The following COG7 variants were observed in gnomAD, a reference collection of about 807,000 sequenced individuals.
COG7 encodes the protein conserved oligomeric Golgi complex subunit 7.
Under a neutral mutation model 91.5 loss-of-function variants are expected in COG7, and 49 were observed. The ratio of observed to expected loss-of-function variants is 0.54; its 90% CI spans 0.43 to 0.68. COG7 has a LOEUF of 0.68. Ranked by LOEUF, COG7 falls within the 30% of genes least tolerant of loss-of-function variation. The pLI, the probability that COG7 is intolerant of heterozygous loss-of-function variation, is 0.00. For synonymous variants in COG7, 365 were observed against 388.7 expected (o/e 0.94, Z 0.72); for missense variants, 895 against 961.3 (o/e 0.93, Z 0.91).
In COG7 at chr16:23,401,696, C is replaced by T. The variant is rs544645082; in HGVS notation, c.1803+1998G>A. The stretch of plus-strand genomic sequence containing the variant: ...CAATGGCAACTCCAATCTCTTCATA[C>T]TCATAATCTTTTTTTCATAACCTTG... On this transcript the variant is annotated intron_variant, in intron 13 of 16. Coordinates refer to ENST00000307149, the MANE Select transcript of COG7 (RefSeq NM_153603.4). Among the ~76,000 whole-genome samples, 12 of 152,060 alleles carry T rather than the reference C, an allele frequency of 7.9e-5. No homozygotes were observed. The South Asian group carries it at 2.1e-3, about 26-fold the overall frequency.
At chr16:23,445,788 C>T (rs1308279756) in intron 2 of COG7, 25 bp downstream of exon 2, 1 of 1,612,736 alleles carries the variant, frequency 6.2e-7, no homozygotes, top group Admixed American at 1.7e-5. Flanking sequence ...CCATTTACAA[C>T]AGGAGCCAAA....
intron 1 of COG7, among the ~76,000 whole-genome samples, chr16:23,452,405 A>C (rs941626866): frequency 2.7e-5 from 4 of 150,784 alleles, no homozygotes; most frequent in Non-Finnish European, 4.4e-5. Context: ...CATCTCTACA[A>C]TTTTTTTTTT....
chr16:23,446,177 G>T (rs925481957), intron 1 of COG7, among the ~76,000 whole-genome samples: 13 of 152,138 alleles, frequency 8.5e-5, no homozygotes, highest in Admixed American at 7.9e-4. Context: ...CCAGACTGAT[G>T]GGAAAGGGCC....
At position 23,403,675 on chromosome 16, in the gene COG7, T is replaced by C. The variant is rs1213156624; in HGVS notation, c.1803+19A>G. ...AGGCAGGACCCGGGAAAAATTGATG[T>C]GGTCAGTGAGAAACTCACGTCCATC... On this transcript the variant is annotated intron_variant, in intron 13 of 16. Transcript: ENST00000307149. 1 of 1,613,728 alleles carries C rather than the reference T, an allele frequency of 6.2e-7. No homozygotes were observed. Among genetic ancestry groups the C allele is most frequent in the Non-Finnish European group, 8.5e-7 (1 of 1,179,844 alleles).
intron 5 of COG7, 70 bp downstream of exon 5, chr16:23,434,566 C>G: frequency 8.6e-7 from 1 of 1,164,746 alleles, no homozygotes; most frequent in South Asian, 1.2e-5. Flanking sequence ...AATTATGAAC[C>G]TGCGATTCTG....
intron 7 of COG7, among the ~76,000 whole-genome samples, chr16:23,424,066 C>T (rs1055378701): frequency 2.6e-5 from 4 of 152,186 alleles, no homozygotes; most frequent in Admixed American, 6.5e-5. Context: ...TTTGGGAGGC[C>T]GAGGCGGGCA....
intron 1 of COG7, among the ~76,000 whole-genome samples, chr16:23,447,857 A>C (rs1964206496): frequency 6.6e-6 from 1 of 151,934 alleles, no homozygotes. Context: ...TTGAGATTAC[A>C]CCACTGCACT....
intron 13 of COG7, among the ~76,000 whole-genome samples, chr16:23,401,153 G>A (rs892348173): frequency 3.9e-5 from 6 of 152,146 alleles, no homozygotes; most frequent in South Asian, 2.1e-4. Context: ...CAAATATAGC[G>A]TTGGTTTGTA....
intron 1 of COG7, chr16:23,446,469 TGATACAGA>T: frequency 6.8e-6 from 1 of 146,798 alleles, no homozygotes. Flanking sequence ...TTTTTTTTTT[TGATACAGA>T]GTTTCGCTCT....
chr16:23,420,765 A>G (rs1963742188), intron 7 of COG7, among the ~76,000 whole-genome samples: 1 of 152,076 alleles, frequency 6.6e-6, no homozygotes. Context: ...TTTCTTCGAG[A>G]CAGGATCTCA....
chr16:23,426,643 C>T (rs1376072953), intron 6 of COG7, among the ~76,000 whole-genome samples: 3 of 151,258 alleles, frequency 2.0e-5, no homozygotes, highest in African/African-American at 4.9e-5. Flanking sequence ...ATGAGAAAAA[C>T]ACTAAACTAG....
Position 23,388,632 on chromosome 16 carries a change from T to G in COG7, c.*288A>C. 9.5e-6 allele frequency: 2 copies of G among 211,174 alleles called. No individual in the cohort carries two copies. The highest frequency in any genetic ancestry group is 2.4e-4 in the South Asian group (2 of 8,496). The allele number at this position is 211,174 out of a possible 1,614,324, so 13.1% of individuals were successfully genotyped here. A position where few individuals can be genotyped will look rare whatever the true frequency, so the allele number is the denominator to read the frequency against. ...ATACAAATGAACCAAGTCTTTTTTT[T>G]TTTTTTTTTTGAGACAGAGTCTCGC... On this transcript the variant is annotated 3_prime_UTR_variant, in exon 17 of 17. Coordinates refer to ENST00000307149, the MANE Select transcript of COG7 (RefSeq NM_153603.4).
intron 1 of COG7, among the ~76,000 whole-genome samples, chr16:23,451,997 T>A (rs1964273308): frequency 6.6e-6 from 1 of 152,144 alleles, no homozygotes; most frequent in South Asian, 2.1e-4. Context: ...GCTCCTAGAT[T>A]ACAAAAAGTC....
chr16:23,437,069 G>T (rs1964024398), intron 4 of COG7, among the ~76,000 whole-genome samples: 1 of 152,150 alleles, frequency 6.6e-6, no homozygotes, highest in East Asian at 1.9e-4. Flanking sequence ...GGGAGGGAGG[G>T]CTGTTTCCAC....
chr16:23,440,510 AT>A (rs5816213), intron 4 of COG7, among the ~76,000 whole-genome samples: 151 of 146,568 alleles, frequency 1.0e-3, no homozygotes, highest in South Asian at 1.1e-3. Context: ...AACAAAACCT[AT>A]TTTTTTTTTT....
chr16:23,388,971 C>T lies in COG7; in HGVS notation c.2262G>A (p.Leu754=). 6.2e-7 allele frequency: 1 copy of T among 1,614,110 alleles called. No homozygotes were observed. ...CCACGGTGGTGGCCAGGCGACGGGG[C>T]AGGCCTTTGCTGACCTGTCTATAGT... The part of the protein sequence containing the change: ...PEDYRQVSKG[L]PRRLATTVAT... Residue 754 remains leucine (L), a synonymous_variant, in exon 17 of 17, where the codon CTG becomes CTA. Coordinates refer to ENST00000307149, the MANE Select transcript of COG7 (RefSeq NM_153603.4).
At chr16:23,448,727 T>C (rs186768053) in intron 1 of COG7, among the ~76,000 whole-genome samples, 1 of 152,320 alleles carries the variant, frequency 6.6e-6, no homozygotes, top group East Asian at 1.9e-4. Flanking sequence ...TAGTGAAATA[T>C]AATGGTTAAG....
intron 16 of COG7, chr16:23,391,994 T>C: frequency 8.5e-7 from 1 of 1,172,454 alleles, no homozygotes; most frequent in South Asian, 1.8e-5. Context: ...CATAAGACGA[T>C]GGGTGCGAGT....
At position 23,388,993 on chromosome 16, in the gene COG7, T is replaced by C. The variant is rs749057033; in HGVS notation, c.2240A>G (p.Tyr747Cys). 1 of 1,614,150 alleles carries C rather than the reference T, an allele frequency of 6.2e-7. No homozygotes were observed. Among genetic ancestry groups the C allele is most frequent in the Non-Finnish European group, 8.5e-7 (1 of 1,180,024 alleles). Reference sequence around the variant, plus strand: ...GGGCAGGCCTTTGCTGACCTGTCTATAGTCCTCAGGCCTGGTCTTCAGTAG... The same window carrying C: ...GGGCAGGCCTTTGCTGACCTGTCTACAGTCCTCAGGCCTGGTCTTCAGTAG... ...VTLLKTRPED[Y>C]RQVSKGLPRR... is the part of the protein sequence containing the mutation. The change falls in exon 17 of 17, where the codon TAT becomes TGT. Residue 747 changes from tyrosine to cysteine, a missense_variant. Coordinates refer to ENST00000307149, the MANE Select transcript of COG7 (RefSeq NM_153603.4).
Sources: gnomAD v4.1 joint callset for allele counts (sites outside exome capture counted in the v4.1 genomes callset) on GRCh38, gnomAD v4.1.1 for gene constraint, MANE v1.5 for transcripts, NCBI Gene and HGNC (gene_info 2026-07-23, HGNC 2026-07-21) for gene names.